The following RASA2 variants were observed in gnomAD, a reference collection of about 807,000 sequenced individuals.
The protein encoded by RASA2 is RAS p21 protein activator 2, also known as ras GTPase-activating protein 2.
Under a neutral mutation model 118.2 loss-of-function variants are expected in RASA2, and 155 were observed. The observed-to-expected ratio is 1.31, with a 90% CI of 1.15 to 1.50. RASA2 has a LOEUF of 1.50. Ranked by LOEUF, RASA2 falls within the 40% of genes most tolerant of loss-of-function variation. RASA2 has a pLI of 0.00. For missense variants in RASA2, 1,016 were observed against 1,009.6 expected (o/e 1.01, Z -0.09); for synonymous variants, 353 against 349.1 (o/e 1.01, Z -0.12).
intron 4 of RASA2, 37 bp from the exon 5 acceptor site, chr3:141,540,496 A>G (rs1176623348): frequency 2.0e-5 from 30 of 1,523,904 alleles, no homozygotes; most frequent in Non-Finnish European, 2.6e-5. Flanking sequence ...TGTCAGTAAA[A>G]TAGACTACTC....
At chr3:141,593,520 T>A (rs1163979292) in intron 19 of RASA2, among the ~76,000 whole-genome samples, 1 of 152,138 alleles carries the variant, frequency 6.6e-6, no homozygotes, top group East Asian at 1.9e-4. Flanking sequence ...AGTTCTTCAG[T>A]CTGCATGTGA....
intron 3 of RASA2, 36 bp from the exon 4 acceptor site, chr3:141,529,672 C>A (rs776226051): frequency 6.9e-7 from 1 of 1,440,934 alleles, no homozygotes; most frequent in Non-Finnish European, 9.7e-7. Flanking sequence ...TTATACGAAG[C>A]ATGTTTTCTT....
At chr3:141,546,314 C>G (rs190204328) in intron 5 of RASA2, among the ~76,000 whole-genome samples, 10 of 152,278 alleles carry the variant, frequency 6.6e-5, no homozygotes, top group Admixed American at 6.5e-4. Context: ...CAGCAGTGTA[C>G]AAGGGTTCCC....
intron 4 of RASA2, among the ~76,000 whole-genome samples, chr3:141,535,169 C>T (rs1896560): frequency 0.048 from 7,301 of 152,154 alleles, 586 homozygotes; most frequent in African/African-American, 0.17. Context: ...TTAGCAATAA[C>T]ATATTTTTAA....
intron 1 of RASA2, among the ~76,000 whole-genome samples, chr3:141,491,724 G>A (rs973153276): frequency 1.3e-5 from 2 of 152,090 alleles, no homozygotes; most frequent in African/African-American, 4.8e-5. Flanking sequence ...TGCCTTGTTA[G>A]GAAAAAGATT....
chr3:141,569,219 G>A (rs1197632455), intron 9 of RASA2, among the ~76,000 whole-genome samples: 1 of 152,038 alleles, frequency 6.6e-6, no homozygotes, highest in Non-Finnish European at 1.5e-5. Context: ...TGCTCTAATG[G>A]AATAAAGGGG....
chr3:141,569,903 C>G (rs1041243151), intron 9 of RASA2, among the ~76,000 whole-genome samples: 1 of 152,016 alleles, frequency 6.6e-6, no homozygotes, highest in African/African-American at 2.4e-5. Context: ...TCTGTTTCTG[C>G]ATTAATTCGC....
At chr3:141,508,466 C>G (rs1257659536) in intron 1 of RASA2, among the ~76,000 whole-genome samples, 2 of 151,896 alleles carry the variant, frequency 1.3e-5, no homozygotes, top group African/African-American at 4.8e-5. Context: ...CAACTCCCAT[C>G]CCCTGGGCTC....
chr3:141,536,623 C>T (rs569914089), intron 4 of RASA2, among the ~76,000 whole-genome samples: 2 of 152,308 alleles, frequency 1.3e-5, no homozygotes, highest in African/African-American at 4.8e-5. Flanking sequence ...TGCAAGGTAT[C>T]TGATCTTCCA....
chr3:141,586,713 T>C lies in RASA2; in HGVS notation c.1894T>C (p.Cys632Arg), dbSNP rs2083208668. The change falls in exon 19 of 24, where the codon TGC (cysteine) becomes CGC (arginine). Residue 632 changes from cysteine to arginine, a missense_variant. By Grantham distance (180) the Cys-to-Arg change is radical. Transcript: ENST00000286364. The stretch of plus-strand genomic sequence containing the variant: ...AAAGAATTTTAAGAAACGATGGTTC[T>C]GCTTAACAAGCAGAGAGCTCACCTA... ...GKKNFKKRWF[C>R]LTSRELTYHK... 6.2e-7 allele frequency: 1 copy of C among 1,613,616 alleles called. No individual in the cohort carries two copies. The highest frequency in any genetic ancestry group is 1.3e-5 in the African/African-American group (1 of 74,918).
At position 141,573,179 on chromosome 3, in the gene RASA2, T is replaced by A; in HGVS notation, c.1317T>A (p.Asp439Glu). 1.9e-6 allele frequency: 3 copies of A among 1,541,842 alleles called. No homozygotes were observed. Among genetic ancestry groups the A allele is most frequent in the Non-Finnish European group, 2.6e-6 (3 of 1,154,526 alleles). The change falls in exon 13 of 24, where the codon GAT becomes GAA. Residue 439 changes from aspartate to glutamate, a missense_variant. By Grantham distance (45) the Asp-to-Glu change is conservative (BLOSUM62 2). Transcript: ENST00000286364. ...ACTCCTCAAAATCCTGTGAAATCGA[T>A]CCTATTAAATTGAAAGAGGGAGATA... ...ICDSSKSCEI[D>E]PIKLKEGDNV...
At chr3:141,555,314 T>C (rs576022065) in intron 6 of RASA2, among the ~76,000 whole-genome samples, 2 of 152,194 alleles carry the variant, frequency 1.3e-5, no homozygotes, top group Non-Finnish European at 2.9e-5. Flanking sequence ...GTACTGTAGT[T>C]GTGTAAGATG....
chr3:141,601,651 A>G (rs752254646), intron 19 of RASA2, among the ~76,000 whole-genome samples: 1 of 152,160 alleles, frequency 6.6e-6, no homozygotes, highest in Non-Finnish European at 1.5e-5. Context: ...TAATATGATG[A>G]CCATAAAATG....
intron 4 of RASA2, among the ~76,000 whole-genome samples, chr3:141,534,054 T>C (rs1366955983): frequency 6.6e-6 from 1 of 152,222 alleles, no homozygotes; most frequent in Non-Finnish European, 1.5e-5. Flanking sequence ...TGGTATTCTT[T>C]CTCAATATTC....
chr3:141,612,376 T>C lies in RASA2; in HGVS notation c.*63T>C. ...ATTTTTCTTGGAGCTTTTCAATTCATCATGTATTTTGTTCATGGTATTTAA... is the reference window on the plus strand; with the variant it reads ...ATTTTTCTTGGAGCTTTTCAATTCACCATGTATTTTGTTCATGGTATTTAA... On this transcript the variant is annotated 3_prime_UTR_variant, in exon 24 of 24. Coordinates refer to ENST00000286364, the MANE Select transcript of RASA2 (RefSeq NM_006506.5). The C allele has an allele frequency of 7.2e-7, 1 of 1,385,154 alleles. No homozygotes were observed. The highest frequency in any genetic ancestry group is 2.3e-5 in the East Asian group (1 of 42,896). 85.8% of individuals were successfully genotyped at this position (1,385,154 alleles called of 1,614,324 possible). A position where few individuals can be genotyped will look rare whatever the true frequency, so the allele number is the denominator to read the frequency against.
intron 9 of RASA2, among the ~76,000 whole-genome samples, chr3:141,569,807 C>T (rs959865330): frequency 1.3e-5 from 2 of 152,070 alleles, no homozygotes; most frequent in Admixed American, 6.6e-5. Flanking sequence ...TTTGGAACCC[C>T]CAGTGTCTAT....
chr3:141,529,751 CAAAG>C lies in RASA2; in HGVS notation c.403_406del (p.Glu135LeufsTer22). 1 of 1,612,316 alleles carries C rather than the reference CAAAG, an allele frequency of 6.2e-7. No homozygotes were observed. Among genetic ancestry groups the C allele is most frequent in the Non-Finnish European group, 8.5e-7 (1 of 1,178,870 alleles). ...AAGAAGACTTGTGTAATCACAGTGG[CAAAG>C]AAACTTGGTTTTCATTACAGCCTGT... is the stretch of plus-strand genomic sequence containing the variant. On this transcript the variant is annotated frameshift_variant, in exon 4 of 24. Transcript: ENST00000286364. LOFTEE classifies it high-confidence loss of function.
At chr3:141,564,579 A>T (rs1413659680) in intron 9 of RASA2, among the ~76,000 whole-genome samples, 1 of 152,154 alleles carries the variant, frequency 6.6e-6, no homozygotes, top group Non-Finnish European at 1.5e-5. Flanking sequence ...CCTTGGCAAG[A>T]CTGTTGTCTT....
At chr3:141,607,896 G>C in intron 20 of RASA2, 136 bp downstream of exon 20, 2 of 1,063,342 alleles carry the variant, frequency 1.9e-6, no homozygotes, top group Non-Finnish European at 2.5e-6. Flanking sequence ...TTTTCAAGAA[G>C]TTGTTTATTG....
Sources: allele counts gnomAD v4.1 joint callset (sites outside exome capture counted in the v4.1 genomes callset), GRCh38; gene constraint gnomAD v4.1.1; transcripts MANE v1.5; gene names NCBI Gene and HGNC (gene_info 2026-07-23, HGNC 2026-07-21).